The following ZZEF1 variants were observed in gnomAD, a reference collection of about 807,000 sequenced individuals.
The protein encoded by ZZEF1 is zinc finger ZZ-type and EF-hand domain-containing protein 1.
In ZZEF1, 157 loss-of-function variants were observed where a neutral mutation model predicts 342.8. The ratio of observed to expected loss-of-function variants is 0.46; its 90% CI spans 0.40 to 0.52. The LOEUF (loss-of-function observed/expected upper bound fraction) is 0.52. ZZEF1 is among the 20% of genes least tolerant of loss of function. The probability of loss-of-function intolerance (pLI) is 0.00; values close to 1 mark genes in which losing one functional copy is unlikely to be tolerated. For synonymous variants in ZZEF1, 1,505 were observed against 1,429.1 expected, an observed-to-expected ratio of 1.05 and a Z score of -1.20; for missense variants, 3,480 against 3,725.6, an observed-to-expected ratio of 0.93 and a Z score of 1.72.
intron 8 of ZZEF1, 136 bp downstream of exon 8, chr17:4,104,497 G>A (rs1444184492): frequency 4.4e-6 from 4 of 910,604 alleles, no homozygotes; most frequent in African/African-American, 1.7e-5. Flanking sequence ...CAGAGGATAC[G>A]TTCATCCAGG....
chr17:4,108,702 C>A (rs956488498), intron 6 of ZZEF1, among the ~76,000 whole-genome samples: 1 of 152,156 alleles, frequency 6.6e-6, no homozygotes, highest in African/African-American at 2.4e-5. Context: ...GCAAATTACT[C>A]TCTAATGACT....
chr17:4,084,417 A>G (rs985734884), intron 16 of ZZEF1, among the ~76,000 whole-genome samples: 25 of 152,102 alleles, frequency 1.6e-4, no homozygotes, highest in Admixed American at 1.4e-3. Flanking sequence ...TGGTTAATTA[A>G]TATTTCATTA....
chr17:4,083,381 G>C (rs1004583977), intron 16 of ZZEF1, among the ~76,000 whole-genome samples: 1 of 152,176 alleles, frequency 6.6e-6, no homozygotes, highest in Non-Finnish European at 1.5e-5. Context: ...CAGTGGCTCA[G>C]GTCAGCTGAT....
intron 36 of ZZEF1, among the ~76,000 whole-genome samples, 169 bp from the exon 37 acceptor site, chr17:4,050,028 G>T (rs150426844): frequency 2.2e-4 from 33 of 152,262 alleles, no homozygotes; most frequent in African/African-American, 7.9e-4. Context: ...AATCTACTCA[G>T]CTCCTCCTCT....
chr17:4,136,413 A>T (rs1021432135), intron 1 of ZZEF1, among the ~76,000 whole-genome samples: 4 of 152,038 alleles, frequency 2.6e-5, no homozygotes, highest in African/African-American at 4.8e-5. Flanking sequence ...AGAAAACAGT[A>T]ACACTGCCAA....
At chr17:4,112,162 T>C (rs915391092) in intron 5 of ZZEF1, among the ~76,000 whole-genome samples, 18 of 146,390 alleles carry the variant, frequency 1.2e-4, no homozygotes, top group Non-Finnish European at 2.7e-4. Context: ...TTTTTTTGGT[T>C]TGAGATGGAG....
chr17:4,112,948 G>T, intron 4 of ZZEF1, 140 bp from the exon 5 acceptor site: 2 of 706,780 alleles, frequency 2.8e-6, no homozygotes, highest in Non-Finnish European at 2.2e-6. Flanking sequence ...TGAAATGCTG[G>T]CTATGAGTTT....
rs191901688 is a variant in ZZEF1, at chr17:4,008,928, C to G, written c.8760G>C (p.Leu2920=). The G allele has an allele frequency of 3.6e-5, 56 of 1,543,886 alleles. No individual in the cohort carries two copies. The East Asian group carries it at 1.3e-3, about 35-fold the overall frequency. ...AQELGVLQDY[L]LALTTDDHLL... is the part of the protein sequence containing the mutation. Reference sequence around the variant, plus strand: ...GGTGGTCGTCCGTGGTTAGGGCCAGCAGGTAATCCTGCAGCACGCCAAGCT... The same window carrying G: ...GGTGGTCGTCCGTGGTTAGGGCCAGGAGGTAATCCTGCAGCACGCCAAGCT... The change falls in exon 54 of 55, where the codon CTG becomes CTC. Residue 2920 remains leucine, a synonymous_variant. Coordinates refer to ENST00000381638, the MANE Select transcript of ZZEF1 (RefSeq NM_015113.4). This position sits in a 1 kb window ranked among gnomAD's most constrained non-coding sequence, Gnocchi z 4.2.
chr17:4,045,948 C>T (rs1194295141), intron 37 of ZZEF1, among the ~76,000 whole-genome samples: 1 of 151,984 alleles, frequency 6.6e-6, no homozygotes, highest in Non-Finnish European at 1.5e-5. Context: ...CTGCCTCAGC[C>T]TCACGAGTAG....
chr17:4,076,652 T>C lies in ZZEF1; in HGVS notation c.3219A>G (p.Glu1073=). The C allele has an allele frequency of 6.2e-7, 1 of 1,611,382 alleles. No individual in the cohort carries two copies. The highest frequency in any genetic ancestry group is 8.5e-7 in the Non-Finnish European group (1 of 1,178,376). The change falls in exon 21 of 55, where the codon GAA becomes GAG. Residue 1073 remains glutamate (E), a synonymous_variant. Coordinates refer to ENST00000381638, the MANE Select transcript of ZZEF1 (RefSeq NM_015113.4). ...ELLKKLCSGP[E]GGLRKLDVET... is the part of the protein sequence containing the mutation. ...CTCGAGTTACCTTCCTCAGTCCTCC[T>C]TCGGGGCCACTACAGAGCTTCTTCA... is the stretch of plus-strand genomic sequence containing the variant.
At chr17:4,066,108 A>T (rs963349563) in intron 28 of ZZEF1, among the ~76,000 whole-genome samples, 11 of 152,146 alleles carry the variant, frequency 7.2e-5, no homozygotes, top group Non-Finnish European at 1.3e-4. Context: ...GGGAGGCTGC[A>T]GTGAGCTATA....
chr17:4,026,966 T>C (rs573745083), intron 42 of ZZEF1, among the ~76,000 whole-genome samples: 62 of 152,224 alleles, frequency 4.1e-4, no homozygotes, highest in Non-Finnish European at 8.2e-4. Flanking sequence ...AGACCTGCAC[T>C]ATAAATAATG....
chr17:4,065,668 C>G (rs765906386), intron 28 of ZZEF1, among the ~76,000 whole-genome samples: 3 of 152,158 alleles, frequency 2.0e-5, no homozygotes, highest in Non-Finnish European at 4.4e-5. Flanking sequence ...CAACCCCTCA[C>G]TCCCCGGATT....
intron 26 of ZZEF1, among the ~76,000 whole-genome samples, chr17:4,068,591 C>CA (rs1567811834): frequency 6.6e-6 from 1 of 151,900 alleles, no homozygotes; most frequent in East Asian, 1.9e-4. Context: ...CCCAGCCTAA[C>CA]AAAAAAAATT....
In ZZEF1 at chr17:4,064,353, G is replaced by A. The variant is rs758064741; in HGVS notation, c.4718+8C>T. The A allele has an allele frequency of 2.9e-5, 46 of 1,561,016 alleles. No homozygotes were observed. The highest frequency in any genetic ancestry group is 3.8e-5 in the Non-Finnish European group (44 of 1,148,736). On this transcript the variant is annotated splice_region_variant and intron_variant, in intron 29 of 54. Coordinates refer to ENST00000381638, the MANE Select transcript of ZZEF1 (RefSeq NM_015113.4). ...GAGAAAGCGACAGGAAGGTAACAACGGGCTTACCTCCTGTGCGAGAGCGAC... is the reference window on the plus strand; with the variant it reads ...GAGAAAGCGACAGGAAGGTAACAACAGGCTTACCTCCTGTGCGAGAGCGAC...
At chr17:4,011,953 C>T (rs2055970969) in intron 52 of ZZEF1, among the ~76,000 whole-genome samples, 1 of 152,200 alleles carries the variant, frequency 6.6e-6, no homozygotes, top group Non-Finnish European at 1.5e-5. Context: ...TCAGGCAGGC[C>T]CCTCTCTCAC....
chr17:4,085,267 G>A (rs1217656417), intron 16 of ZZEF1, among the ~76,000 whole-genome samples: 3 of 152,152 alleles, frequency 2.0e-5, no homozygotes, highest in South Asian at 4.1e-4. Context: ...AACAAGATTA[G>A]CGTGAATTTA....
At chr17:4,026,565 A>G (rs2056410307) in intron 42 of ZZEF1, among the ~76,000 whole-genome samples, 2 of 144,270 alleles carry the variant, frequency 1.4e-5, no homozygotes, top group Non-Finnish European at 3.0e-5. Context: ...CTTGTCACCC[A>G]GGCTGGAGTA....
At chr17:4,092,465 A>T (rs1170857383) in intron 11 of ZZEF1, among the ~76,000 whole-genome samples, 1 of 151,736 alleles carries the variant, frequency 6.6e-6, no homozygotes, top group Non-Finnish European at 1.5e-5. Flanking sequence ...CACCTGGCTA[A>T]TTTTTTTGTA....
Sources: allele counts gnomAD v4.1 joint callset (sites outside exome capture counted in the v4.1 genomes callset), GRCh38; gene constraint gnomAD v4.1.1; non-coding constraint Gnocchi (gnomAD v3.1); transcripts MANE v1.5; gene names NCBI Gene and HGNC (gene_info 2026-07-23, HGNC 2026-07-21).